The following CACNA2D3 variants were observed in gnomAD, a reference collection of about 807,000 sequenced individuals.
CACNA2D3 encodes voltage-dependent calcium channel subunit alpha-2/delta-3.
A neutral mutation model predicts 160.6 loss-of-function variants in CACNA2D3; 60 were observed. The ratio of observed to expected loss-of-function variants is 0.37; its 90% confidence interval spans 0.30 to 0.46. The LOEUF (loss-of-function observed/expected upper bound fraction) is 0.46. Among genes scored for constraint, CACNA2D3 ranks in the 20% least tolerant of loss-of-function variants. The pLI is 1.00. For missense variants in CACNA2D3, 1,205 were observed against 1,365.0 expected (o/e 0.88, Z 1.85); for synonymous variants, 558 against 492.9 (o/e 1.13, Z -1.75).
At chr3:54,891,757 GC>G (rs1401111969) in intron 25 of CACNA2D3, among the ~76,000 whole-genome samples, 1 of 152,202 alleles carries the variant, frequency 6.6e-6, no homozygotes, top group Non-Finnish European at 1.5e-5. Flanking sequence ...TGGGGGAGCC[GC>G]CAGAGGGAGG....
intron 11 of CACNA2D3, among the ~76,000 whole-genome samples, chr3:54,646,444 A>G (rs1320774817): frequency 6.6e-6 from 1 of 151,422 alleles, no homozygotes; most frequent in Non-Finnish European, 1.5e-5. Context: ...GTTTGCCCCC[A>G]TGTGTCCATG....
chr3:54,714,641 A>T (rs1701017659), intron 11 of CACNA2D3, among the ~76,000 whole-genome samples: 1 of 152,146 alleles, frequency 6.6e-6, no homozygotes. Context: ...TCTTGACAAA[A>T]ATTTTACAAT....
intron 21 of CACNA2D3, among the ~76,000 whole-genome samples, chr3:54,884,529 TG>T (rs927023662): frequency 1.3e-5 from 2 of 152,262 alleles, no homozygotes; most frequent in African/African-American, 4.8e-5. Flanking sequence ...ATAAGCATCA[TG>T]GGAGTTCCCG....
intron 2 of CACNA2D3, among the ~76,000 whole-genome samples, chr3:54,254,082 A>G (rs913107692): frequency 1.3e-5 from 2 of 152,054 alleles, no homozygotes; most frequent in African/African-American, 4.8e-5. Context: ...TGTGTTTCTT[A>G]CAGTGAGCGG....
At chr3:54,275,823 G>C (rs1414732440) in intron 2 of CACNA2D3, among the ~76,000 whole-genome samples, 1 of 151,958 alleles carries the variant, frequency 6.6e-6, no homozygotes, top group Non-Finnish European at 1.5e-5. Context: ...TCATCATATT[G>C]GCCAGGCTGG....
intron 9 of CACNA2D3, among the ~76,000 whole-genome samples, chr3:54,609,996 T>C (rs1394962265): frequency 4.6e-5 from 7 of 152,154 alleles, no homozygotes; most frequent in Non-Finnish European, 1.0e-4. Context: ...CAAGGGAGAT[T>C]CCTTCCTTGC....
intron 4 of CACNA2D3, among the ~76,000 whole-genome samples, chr3:54,439,653 G>T (rs56027715): frequency 0.23 from 35,094 of 152,052 alleles, 5,249 homozygotes; most frequent in African/African-American, 0.43. Context: ...GTGCTACCAC[G>T]CCTGGTTCAA....
chr3:54,485,203 A>G (rs148878547), intron 4 of CACNA2D3, among the ~76,000 whole-genome samples: 35 of 152,324 alleles, frequency 2.3e-4, no homozygotes, highest in Admixed American at 7.2e-4. Flanking sequence ...CACCAAAAAT[A>G]TGGATTTGCC....
At chr3:54,464,928 A>T (rs1308709236) in intron 4 of CACNA2D3, among the ~76,000 whole-genome samples, 1 of 151,782 alleles carries the variant, frequency 6.6e-6, no homozygotes, top group Non-Finnish European at 1.5e-5. Context: ...CCTTAAATAC[A>T]TTTTCTATGC....
rs187814936 is a variant in CACNA2D3, at chr3:54,687,715, T to C, written c.1167+45474T>C. ...TTGCAGGAATCATGGAAAGAATCAT[T>C]TTGACATAGCAACTTGGCTTTCTAA... On this transcript the variant is annotated intron_variant, in intron 11 of 37. Coordinates refer to ENST00000474759, the MANE Select transcript of CACNA2D3 (RefSeq NM_018398.3). 1.3e-4 allele frequency among the ~76,000 whole-genome samples: 20 copies of C among 152,326 alleles called. No individual in the cohort carries two copies. The East Asian group carries it at 2.7e-3, about 21-fold the overall frequency.
rs540068117 is a variant in CACNA2D3 at position 54,156,080 on chromosome 3, G to A, written c.204+32486G>A. Among the ~76,000 whole-genome samples the A allele has an allele frequency of 4.6e-5, 7 of 152,298 alleles. No homozygotes were observed. In the East Asian group the frequency reaches 1.3e-3, roughly 29 times the overall value. ...CTCCCCAGCTAGAAGACAGCTTCAT[G>A]AGTATAGGAAACCCTTCAGTCTTCA... On this transcript the variant is annotated intron_variant, in intron 2 of 37. Transcript: ENST00000474759.
At chr3:54,435,723 C>A (rs1019117885) in intron 4 of CACNA2D3, among the ~76,000 whole-genome samples, 34 of 152,098 alleles carry the variant, frequency 2.2e-4, no homozygotes, top group African/African-American at 8.2e-4. Context: ...GAAATCATAA[C>A]TTTAATAAGA....
chr3:55,036,554 A>G (rs562074119), intron 35 of CACNA2D3, among the ~76,000 whole-genome samples: 140 of 151,662 alleles, frequency 9.2e-4, no homozygotes, highest in African/African-American at 3.2e-3. Context: ...TGCAACCTCC[A>G]CCTCCTGGGT....
intron 31 of CACNA2D3, among the ~76,000 whole-genome samples, chr3:54,991,688 T>TA (rs1702747573): frequency 6.6e-6 from 1 of 152,026 alleles, no homozygotes. Flanking sequence ...GCCTTTGTGA[T>TA]ACTCTGGACT....
At chr3:54,596,719 G>A (rs887726412) in intron 9 of CACNA2D3, among the ~76,000 whole-genome samples, 1 of 151,938 alleles carries the variant, frequency 6.6e-6, no homozygotes, top group East Asian at 1.9e-4. Context: ...TTCTGTTCTT[G>A]ACTTCACCAT....
At chr3:54,429,552 C>CA (rs1201586478) in intron 4 of CACNA2D3, among the ~76,000 whole-genome samples, 1 of 152,126 alleles carries the variant, frequency 6.6e-6, no homozygotes, top group Non-Finnish European at 1.5e-5. Context: ...TAAGAGTGGT[C>CA]ATAAGCTTCT....
intron 5 of CACNA2D3, among the ~76,000 whole-genome samples, chr3:54,518,256 C>G (rs1016193143): frequency 6.6e-6 from 1 of 152,182 alleles, no homozygotes; most frequent in African/African-American, 2.4e-5. Flanking sequence ...AGTTAGCCAA[C>G]TCCTGTGAGA....
intron 2 of CACNA2D3, among the ~76,000 whole-genome samples, chr3:54,281,162 C>A (rs773614456): frequency 3.3e-5 from 5 of 152,108 alleles, no homozygotes; most frequent in Admixed American, 6.5e-5. Context: ...TGTGGGAAGC[C>A]GACAGTGTCC....
chr3:54,995,154 A>G (rs1702827979), intron 31 of CACNA2D3, among the ~76,000 whole-genome samples: 1 of 151,958 alleles, frequency 6.6e-6, no homozygotes, highest in Admixed American at 6.6e-5. Flanking sequence ...CTGTATTTTT[A>G]GTAGAGACAG....
Sources: allele counts gnomAD v4.1 joint callset (sites outside exome capture counted in the v4.1 genomes callset), GRCh38; gene constraint gnomAD v4.1.1; transcripts MANE v1.5; gene names NCBI Gene and HGNC (gene_info 2026-07-23, HGNC 2026-07-21).